CIP2A: variants seen among roughly 807,000 people sequenced by gnomAD.
CIP2A encodes cellular inhibitor of PP2A, also known as protein CIP2A.
CIP2A carries 103 observed loss-of-function variants against 110.9 expected under a neutral mutation model. That is an observed-to-expected ratio of 0.93 (90% CI 0.79 to 1.09). The LOEUF is 1.09. Among genes scored for constraint, CIP2A ranks in the 50% least tolerant of loss-of-function variants. The probability of loss-of-function intolerance (pLI) is 0.00; values close to 1 mark genes in which losing one functional copy is unlikely to be tolerated. For missense variants in CIP2A, 1,088 were observed against 1,038.4 expected (o/e 1.05, Z -0.66); for synonymous variants, 381 against 361.6 (o/e 1.05, Z -0.61).
rs1938874318 is a variant in CIP2A, at chr3:108,581,462, T to C, written c.502A>G (p.Asn168Asp). The C allele has an allele frequency of 6.2e-7, 1 of 1,613,402 alleles. No homozygotes were observed. Among genetic ancestry groups the C allele is most frequent in the Non-Finnish European group, 8.5e-7 (1 of 1,179,508 alleles). The stretch of plus-strand genomic sequence containing the variant: ...ACAGAAAGATTGTGCCGACAAAGAT[T>C]TGCCAATAATCCTAGACAAGGCATT... ...LKMPCLGLLA[N>D]LCRHNLSVQT... The change falls in exon 5 of 21, where the codon AAT (asparagine) becomes GAT (aspartate). Residue 168 changes from asparagine to aspartate, a missense_variant. Physicochemically the swap from Asn to Asp is conservative, Grantham distance 23. Transcript: ENST00000295746.
Position 108,589,433 on chromosome 3 carries a change from G to C in CIP2A, c.-58C>G. The C allele has an allele frequency of 1.6e-6, 2 of 1,261,458 alleles. No individual in the cohort carries two copies. Among genetic ancestry groups the C allele is most frequent in the Non-Finnish European group, 2.3e-6 (2 of 886,452 alleles). The allele number at this position is 1,261,458 out of a possible 1,614,324, so 78.1% of individuals were successfully genotyped here. A position where few individuals can be genotyped will look rare whatever the true frequency, so the allele number is the denominator to read the frequency against. On this transcript the variant is annotated 5_prime_UTR_variant, in exon 1 of 21. Transcript: ENST00000295746. ...ACCGCCCAGCGTGCGCCGGCCTTTA[G>C]CTTTCGCCGCGCTTTTTTTGATTTT...
At chr3:108,574,753 T>C in intron 8 of CIP2A, 1 of 153,150 alleles carries the variant, frequency 6.5e-6, no homozygotes, top group South Asian at 1.9e-4. Context: ...TCTAGGCTTC[T>C]GAGAGCTATT....
chr3:108,559,890 T>C (rs769930293), intron 15 of CIP2A, 23 bp from the exon 16 acceptor site: 4 of 1,594,876 alleles, frequency 2.5e-6, no homozygotes, highest in South Asian at 2.2e-5. Flanking sequence ...ATATCATTAA[T>C]TTTCATTTTA....
chr3:108,567,905 G>A (rs1938240250), intron 10 of CIP2A, among the ~76,000 whole-genome samples: 1 of 151,776 alleles, frequency 6.6e-6, no homozygotes, highest in Non-Finnish European at 1.5e-5. Flanking sequence ...TCAAAATCAA[G>A]CTTAAACAGC....
At chr3:108,580,631 C>CT (rs1173451069) in intron 5 of CIP2A, among the ~76,000 whole-genome samples, 1 of 150,234 alleles carries the variant, frequency 6.7e-6, no homozygotes, top group African/African-American at 2.5e-5. Flanking sequence ...ATTTAATATA[C>CT]TTTGTTTTTT....
intron 19 of CIP2A, 36 bp downstream of exon 19, chr3:108,553,611 TA>T: frequency 6.6e-7 from 1 of 1,518,692 alleles, no homozygotes; most frequent in Non-Finnish European, 9.0e-7. Flanking sequence ...ATAAATACAT[TA>T]AAAATAGAAA....
intron 8 of CIP2A, 63 bp from the exon 9 acceptor site, chr3:108,569,670 G>T: frequency 5.8e-6 from 7 of 1,207,254 alleles, no homozygotes; most frequent in African/African-American, 1.5e-5. Flanking sequence ...CAAAGCAAGT[G>T]TATGATGAAG....
chr3:108,583,219 A>G (rs1392259858), intron 2 of CIP2A, 136 bp from the exon 3 acceptor site: 1 of 442,524 alleles, frequency 2.3e-6, no homozygotes, highest in Non-Finnish European at 4.0e-6. Context: ...TCTTTATGAT[A>G]ACCCTCCAAT....
rs866031200 is a variant in CIP2A, at chr3:108,575,812, T to A, written c.894+459A>T. On this transcript the variant is annotated intron_variant, in intron 8 of 20. Transcript: ENST00000295746. ...TGTGTATATATACGTGTATATATACTCATATACATGTGTATATACGTGTAT... is the reference window on the plus strand; with the variant it reads ...TGTGTATATATACGTGTATATATACACATATACATGTGTATATACGTGTAT... 9.5e-4 allele frequency among the ~76,000 whole-genome samples: 85 copies of A among 89,292 alleles called. 13 individuals carry two copies. Among genetic ancestry groups the A allele is most frequent in the Non-Finnish European group, 1.4e-3 (54 of 37,520 alleles). 58.6% of individuals were successfully genotyped at this position (89,292 alleles called of 152,430 possible). A position where few individuals can be genotyped will look rare whatever the true frequency, so the allele number is the denominator to read the frequency against.
chr3:108,567,126 G>A (rs1938215719), intron 10 of CIP2A, among the ~76,000 whole-genome samples: 1 of 151,776 alleles, frequency 6.6e-6, no homozygotes, highest in African/African-American at 2.4e-5. Flanking sequence ...CAACCAGGTA[G>A]TTTAAACAAT....
intron 14 of CIP2A, 48 bp from the exon 15 acceptor site, chr3:108,560,076 A>C: frequency 9.2e-7 from 1 of 1,083,230 alleles, no homozygotes; most frequent in Non-Finnish European, 1.4e-6. Context: ...AAATATTTTG[A>C]CACAATGACA....
At position 108,585,064 on chromosome 3, in the gene CIP2A, C is replaced by T. The variant is rs1158899523; in HGVS notation, c.250+1G>A. On this transcript the variant is annotated splice_donor_variant, in intron 2 of 20. Coordinates refer to ENST00000295746, the MANE Select transcript of CIP2A (RefSeq NM_020890.3). LOFTEE classifies it high-confidence loss of function. ...TAAAAAGGAGAAATTAAATGCATTA[C>T]CTAGTTGAGACAGCAAACCGATAAT... 20 of 1,607,182 alleles carry T rather than the reference C, an allele frequency of 1.2e-5. No homozygotes were observed. Among genetic ancestry groups the T allele is most frequent in the South Asian group, 1.2e-4 (11 of 89,512 alleles).
At chr3:108,565,290 CAG>C (rs1474002256) in intron 12 of CIP2A, 63 bp downstream of exon 12, 2 of 789,748 alleles carry the variant, frequency 2.5e-6, no homozygotes, top group Non-Finnish European at 4.1e-6. Context: ...AATATTAAAA[CAG>C]AAACTTATAT....
chr3:108,582,089 T>C lies in CIP2A; in HGVS notation c.452+19A>G, dbSNP rs755359772. ...TAAACAAATAAACTATTTGGTTTTA[T>C]GTTTGATTGCATACTCACATGTGAT... On this transcript the variant is annotated intron_variant, in intron 4 of 20. Transcript: ENST00000295746. 1 of 1,108,968 alleles carries C rather than the reference T, an allele frequency of 9.0e-7. No homozygotes were observed. The highest frequency in any genetic ancestry group is 2.5e-5 in the East Asian group (1 of 40,156). 68.7% of individuals were successfully genotyped at this position (1,108,968 alleles called of 1,614,324 possible). A position where few individuals can be genotyped will look rare whatever the true frequency, so the allele number is the denominator to read the frequency against.
chr3:108,568,303 A>G lies in CIP2A; in HGVS notation c.1125T>C (p.Asp375=). Residue 375 remains aspartate, a synonymous_variant, in exon 10 of 21, where the codon GAT becomes GAC. Transcript: ENST00000295746. ...GATCAGCCGAGGAACAGTTAGCAGCATCTATGACATCCTGGAGAATTATCC... is the reference window on the plus strand; with the variant it reads ...GATCAGCCGAGGAACAGTTAGCAGCGTCTATGACATCCTGGAGAATTATCC... The part of the protein sequence containing the change: ...LFKEIFEDVI[D]AANCSSADRF... 6.2e-7 allele frequency: 1 copy of G among 1,611,554 alleles called. No individual in the cohort carries two copies. The highest frequency in any genetic ancestry group is 8.5e-7 in the Non-Finnish European group (1 of 1,178,376).
At chr3:108,583,365 A>G (rs936725170) in intron 2 of CIP2A, among the ~76,000 whole-genome samples, 1 of 152,210 alleles carries the variant, frequency 6.6e-6, no homozygotes, top group Admixed American at 6.5e-5. Flanking sequence ...TTGAATATTA[A>G]AAGATTATCA....
Position 108,552,091 on chromosome 3 carries a change from CAA to C in CIP2A, c.2547+141_2547+142del. The C allele has an allele frequency of 5.3e-6, 3 of 570,920 alleles. No individual in the cohort carries two copies. In the South Asian group the frequency reaches 7.8e-5, roughly 15 times the overall value. 35.4% of individuals were successfully genotyped at this position (570,920 alleles called of 1,614,324 possible). On this transcript the variant is annotated intron_variant, in intron 20 of 20. Coordinates refer to ENST00000295746, the MANE Select transcript of CIP2A (RefSeq NM_020890.3). ...AAAATACATTATGAAAACCTCATAA[CAA>C]ATGATACTCAAGCTGCTTTGAGATC...
Position 108,552,401 on chromosome 3 carries a change from T to C in CIP2A, c.2408-28A>G, listed in dbSNP as rs6773549. ...TAAAAGAAAAAAAAGTCAAGTATTA[T>C]ACTCAGAGGTCTTACACTGACTACT... is the stretch of plus-strand genomic sequence containing the variant. On this transcript the variant is annotated intron_variant, in intron 19 of 20. Coordinates refer to ENST00000295746, the MANE Select transcript of CIP2A (RefSeq NM_020890.3). 9,488 of 1,435,070 alleles carry C rather than the reference T, an allele frequency of 6.6e-3. 459 individuals carry two copies. The African/African-American group carries it at 0.11, about 17-fold the overall frequency. The allele number at this position is 1,435,070 out of a possible 1,614,324, so 88.9% of individuals were successfully genotyped here.
At chr3:108,561,760 T>C (rs1339579870) in intron 13 of CIP2A, among the ~76,000 whole-genome samples, 1 of 152,100 alleles carries the variant, frequency 6.6e-6, no homozygotes, top group Non-Finnish European at 1.5e-5. Context: ...CAAGATAATG[T>C]CAAATAAGGG....
Sources: allele counts gnomAD v4.1 joint callset (sites outside exome capture counted in the v4.1 genomes callset), GRCh38; gene constraint gnomAD v4.1.1; transcripts MANE v1.5; gene names NCBI Gene and HGNC (gene_info 2026-07-23, HGNC 2026-07-21).